COL13A1: variants seen among roughly 807,000 people sequenced by gnomAD.
The protein encoded by COL13A1 is collagen alpha-1(XIII) chain.
COL13A1 carries 89 observed loss-of-function variants against 130.9 expected under a neutral mutation model. That is an observed-to-expected ratio of 0.68 (90% CI 0.57 to 0.81). The LOEUF is 0.81. COL13A1 is among the 30% of genes least tolerant of loss of function. The probability of loss-of-function intolerance (pLI) is 0.00; values close to 1 mark genes in which losing one functional copy is unlikely to be tolerated. For synonymous variants in COL13A1, 402 were observed against 341.6 expected, an observed-to-expected ratio of 1.18 and a Z score of -1.95; for missense variants, 879 against 934.6, an observed-to-expected ratio of 0.94 and a Z score of 0.78.
chr10:69,830,796 C>A (rs1848644885), intron 2 of COL13A1, among the ~76,000 whole-genome samples: 1 of 152,100 alleles, frequency 6.6e-6, no homozygotes, highest in Admixed American at 6.5e-5. Context: ...GATGGGCTTT[C>A]TTACATTCAC....
rs756869472 is a variant in COL13A1 at position 69,878,047 on chromosome 10, G to T, written c.444G>T (p.Lys148Asn). 96 of 702,828 alleles carry T rather than the reference G, an allele frequency of 1.4e-4. No homozygotes were observed. Among genetic ancestry groups the T allele is most frequent in the Non-Finnish European group, 2.6e-5 (10 of 385,018 alleles). The allele number at this position is 702,828 out of a possible 1,614,324, so 43.5% of individuals were successfully genotyped here. Residue 148 changes from lysine (K) to asparagine (N), a missense_variant, in exon 6 of 41, where the codon AAG becomes AAT. Physicochemically the swap from Lys to Asn is moderately conservative, Grantham distance 94 (BLOSUM62 0). Transcript: ENST00000645393. ...AIGMPGRVGV[K>N]GQPGEKGSPG... ...GCATGTGGCTGCCCCAGGGAGTAAA[G>T]GGCCAACCAGGCGAGAAGGTGAGTC...
At chr10:69,830,900 G>A (rs1012488509) in intron 2 of COL13A1, among the ~76,000 whole-genome samples, 4 of 151,840 alleles carry the variant, frequency 2.6e-5, no homozygotes, top group African/African-American at 7.3e-5. Context: ...CTCCATTTTC[G>A]CCCGCCCTCC....
intron 2 of COL13A1, among the ~76,000 whole-genome samples, chr10:69,832,105 C>T (rs777885460): frequency 2.6e-5 from 4 of 152,278 alleles, no homozygotes; most frequent in South Asian, 4.2e-4. Context: ...GGCAATGGCA[C>T]GCTTGCCACT....
intron 34 of COL13A1, among the ~76,000 whole-genome samples, 186 bp from the exon 35 acceptor site, chr10:69,940,802 G>T (rs1336795289): frequency 6.6e-6 from 1 of 152,184 alleles, no homozygotes; most frequent in Non-Finnish European, 1.5e-5. Flanking sequence ...CCATGTTTTC[G>T]TTGGTTTCCA....
intron 3 of COL13A1, among the ~76,000 whole-genome samples, chr10:69,870,952 C>T (rs2059009018): frequency 6.6e-6 from 1 of 151,942 alleles, no homozygotes; most frequent in African/African-American, 2.4e-5. Flanking sequence ...AATAAGTTTC[C>T]CTCATGTGTC....
chr10:69,824,518 G>C lies in COL13A1; in HGVS notation c.364+2080G>C, dbSNP rs187411086. Among the ~76,000 whole-genome samples the C allele has an allele frequency of 6.5e-3, 990 of 152,320 alleles. 11 individuals are homozygous for C. Among genetic ancestry groups the C allele is most frequent in the African/African-American group, 0.022 (930 of 41,554 alleles). On this transcript the variant is annotated intron_variant, in intron 2 of 40. Transcript: ENST00000645393. The stretch of plus-strand genomic sequence containing the variant: ...AGCTGGGGAGGAATGTGGCAGGAGG[G>C]GGAAGGACTTGGAAGAGTGCTTCTC...
At chr10:69,810,376 G>GAGAGACACAGAGAC (rs1554863533) in intron 1 of COL13A1, among the ~76,000 whole-genome samples, 3,693 of 128,798 alleles carry the variant, frequency 0.029, 87 homozygotes, top group Middle Eastern at 0.045. Flanking sequence ...GAGAGAGAGA[G>GAGAGACACAGAGAC]AGAGACAGAG....
chr10:69,810,143 T>G (rs1842572993), intron 1 of COL13A1, among the ~76,000 whole-genome samples: 1 of 152,180 alleles, frequency 6.6e-6, no homozygotes, highest in Non-Finnish European at 1.5e-5. Flanking sequence ...CCCCTCCTTC[T>G]CACTGATCCA....
chr10:69,903,551 AACTCAGTGGGTACCTGG>A (rs1189622135), intron 15 of COL13A1, among the ~76,000 whole-genome samples: 3 of 152,236 alleles, frequency 2.0e-5, no homozygotes, highest in African/African-American at 7.2e-5. Flanking sequence ...AGGACAGAAT[AACTCAGTGGGTACCTGG>A]ACTTCAGAGA....
At chr10:69,940,598 G>C (rs2067485502) in intron 34 of COL13A1, among the ~76,000 whole-genome samples, 1 of 152,142 alleles carries the variant, frequency 6.6e-6, no homozygotes, top group South Asian at 2.1e-4. Context: ...GTCCTGGGAA[G>C]GGTGCACAGC....
At chr10:69,942,618 A>G (rs1174875543) in intron 35 of COL13A1, among the ~76,000 whole-genome samples, 2 of 152,208 alleles carry the variant, frequency 1.3e-5, no homozygotes, top group Non-Finnish European at 2.9e-5. Context: ...CCCTGCCAAT[A>G]TTAACATTTA....
Position 69,926,105 on chromosome 10 carries a change from C to A in COL13A1, c.1398+233C>A, listed in dbSNP as rs2274179. The A allele has an allele frequency of 0.24, 127,089 of 528,710 alleles. 16,669 individuals carry two copies. The highest frequency in any genetic ancestry group is 0.43 in the East Asian group (13,833 of 32,522). 32.8% of individuals were successfully genotyped at this position (528,710 alleles called of 1,614,324 possible). On this transcript the variant is annotated intron_variant, in intron 26 of 40. Coordinates refer to ENST00000645393, the MANE Select transcript of COL13A1 (RefSeq NM_001368882.1). ...AGGTGGCCGGGGCTCTCTGTCTGGG[C>A]CCAGCTGGCCAGTTATCCTGCCTCA...
intron 34 of COL13A1, among the ~76,000 whole-genome samples, chr10:69,940,149 C>T (rs2067432571): frequency 7.5e-6 from 1 of 133,168 alleles, no homozygotes; most frequent in Admixed American, 8.0e-5. Flanking sequence ...CCACCCCCGA[C>T]CCACCAACCT....
chr10:69,948,732 G>A (rs1284488575), intron 38 of COL13A1, among the ~76,000 whole-genome samples: 1 of 152,174 alleles, frequency 6.6e-6, no homozygotes, highest in African/African-American at 2.4e-5. Context: ...GAGACACTGA[G>A]CCGTTTGAAG....
chr10:69,909,371 G>T (rs1299051728), intron 17 of COL13A1, among the ~76,000 whole-genome samples: 2 of 152,150 alleles, frequency 1.3e-5, no homozygotes, highest in African/African-American at 2.4e-5. Context: ...GGGCTGTGAG[G>T]CCATCATGCC....
At chr10:69,875,250 C>T (rs2059463493) in intron 5 of COL13A1, 87 bp downstream of exon 5, 3 of 1,537,548 alleles carry the variant, frequency 2.0e-6, no homozygotes, top group African/African-American at 2.7e-5. Context: ...AATGTGCTGT[C>T]TATCCCAGGC....
chr10:69,820,706 C>A (rs772825826), intron 1 of COL13A1, among the ~76,000 whole-genome samples: 3 of 152,146 alleles, frequency 2.0e-5, no homozygotes, highest in Non-Finnish European at 4.4e-5. Context: ...GGGTGTTTCC[C>A]CTCTTCTGGT....
intron 2 of COL13A1, among the ~76,000 whole-genome samples, chr10:69,846,821 C>T (rs1853253935): frequency 6.6e-6 from 1 of 152,206 alleles, no homozygotes; most frequent in South Asian, 2.1e-4. Context: ...TCTGCCGTGG[C>T]TGCTGGTGAG....
intron 1 of COL13A1, among the ~76,000 whole-genome samples, chr10:69,810,346 AT>A (rs1842648354): frequency 8.4e-5 from 6 of 71,152 alleles, no homozygotes; most frequent in Non-Finnish European, 1.4e-4. Flanking sequence ...GGCCCTGAGA[AT>A]GAGAGAGAGA....
Sources: gnomAD v4.1 joint callset for allele counts (sites outside exome capture counted in the v4.1 genomes callset) on GRCh38, gnomAD v4.1.1 for gene constraint, MANE v1.5 for transcripts, NCBI Gene and HGNC (gene_info 2026-07-23, HGNC 2026-07-21) for gene names.